Variants in AKAP13 observed in about 807,000 individuals in gnomAD.
AKAP13 encodes A-kinase anchoring protein 13, also known as A-kinase anchor protein 13.
A neutral mutation model predicts 264.5 loss-of-function variants in AKAP13; 80 were observed. That is an observed-to-expected ratio of 0.30 (90% CI 0.25 to 0.36). The LOEUF (loss-of-function observed/expected upper bound fraction) is 0.36, where lower values mean the gene tolerates loss of function less well. AKAP13 is among the 10% of genes least tolerant of loss of function. AKAP13 has a pLI of 1.00. For synonymous variants in AKAP13, 1,380 were observed against 1,250.2 expected (o/e 1.10, Z -2.19); for missense variants, 3,712 against 3,435.2 (o/e 1.08, Z -2.01).
intron 5 of AKAP13, among the ~76,000 whole-genome samples, chr15:85,573,407 G>A (rs1034897815): frequency 1.3e-5 from 2 of 152,108 alleles, no homozygotes; most frequent in Admixed American, 1.3e-4. Context: ...TTAGCTGGGC[G>A]TGGTGGGACG....
At chr15:85,434,123 G>A (rs1271354720) in intron 1 of AKAP13, among the ~76,000 whole-genome samples, 2 of 151,866 alleles carry the variant, frequency 1.3e-5, no homozygotes, top group African/African-American at 2.4e-5. Context: ...CGCACCGTGC[G>A]CGAGCCGAAG....
At chr15:85,387,681 G>A (rs1003097137) in intron 1 of AKAP13, among the ~76,000 whole-genome samples, 1 of 152,094 alleles carries the variant, frequency 6.6e-6, no homozygotes, top group Non-Finnish European at 1.5e-5. Flanking sequence ...GGGGGCAATT[G>A]ACATTTTAAT....
At chr15:85,704,400 TAAA>T (rs946673510) in intron 17 of AKAP13, among the ~76,000 whole-genome samples, 7 of 152,170 alleles carry the variant, frequency 4.6e-5, no homozygotes, top group Non-Finnish European at 1.0e-4. Flanking sequence ...TTCCGAAAGA[TAAA>T]AAACACATAG....
chr15:85,478,162 G>A (rs1353936423), intron 1 of AKAP13, among the ~76,000 whole-genome samples: 1 of 152,128 alleles, frequency 6.6e-6, no homozygotes, highest in African/African-American at 2.4e-5. Flanking sequence ...TACTAAAGTG[G>A]TAGGAACCAC....
At position 85,743,823 on chromosome 15, in the gene AKAP13, G is replaced by T; in HGVS notation, c.8390G>T (p.Gly2797Val). Reference sequence around the variant, plus strand: ...AACAAAACCAGCCGCTCTCAGCCCGGTGGTGAGTCACGCACACCTGCTCTC... The same window carrying T: ...AACAAAACCAGCCGCTCTCAGCCCGTTGGTGAGTCACGCACACCTGCTCTC... ...KKNKTSRSQP[G>V]DGPASEVSAE... is the part of the protein sequence containing the mutation. The change falls in exon 36 of 37, where the codon GGT becomes GTT. Residue 2797 changes from glycine to valine, a missense_variant and splice_region_variant. Gly to Val is a moderately radical substitution (Grantham distance 109, BLOSUM62 -3). Transcript: ENST00000394518. The T allele has an allele frequency of 6.2e-7, 1 of 1,607,752 alleles. No homozygotes were observed. Among genetic ancestry groups the T allele is most frequent in the East Asian group, 2.2e-5 (1 of 44,828 alleles).
chr15:85,454,481 T>G (rs931381215), intron 1 of AKAP13, among the ~76,000 whole-genome samples: 1 of 152,126 alleles, frequency 6.6e-6, no homozygotes, highest in Admixed American at 6.5e-5. Flanking sequence ...TTTTCTCTGT[T>G]CTCTGTGGGT....
intron 17 of AKAP13, chr15:85,702,830 A>T (rs1011187991): frequency 3.3e-5 from 5 of 152,244 alleles, no homozygotes; most frequent in African/African-American, 1.2e-4. Context: ...TCTATTATGT[A>T]AAGCTGTCCT....
In AKAP13 at chr15:85,716,423, G is replaced by A. The variant is rs541962208; in HGVS notation, c.5735+500G>A. On this transcript the variant is annotated intron_variant, in intron 20 of 36. Coordinates refer to ENST00000394518, the MANE Select transcript of AKAP13 (RefSeq NM_007200.5). ...ATTACTATTAGGTTCTCACTCACTC[G>A]TTTGCACTGAGTTTCTTTTCTGGTC... Among the ~76,000 whole-genome samples, 124 of 151,904 alleles carry A rather than the reference G, an allele frequency of 8.2e-4. 1 individual carries two copies. The highest frequency in any genetic ancestry group is 3.4e-3 in the Middle Eastern group (1 of 294).
At chr15:85,555,196 C>G (rs1278446023) in intron 5 of AKAP13, among the ~76,000 whole-genome samples, 1 of 152,148 alleles carries the variant, frequency 6.6e-6, no homozygotes, top group East Asian at 1.9e-4. Context: ...ACCCCCCACC[C>G]CCTACCCCTT....
intron 5 of AKAP13, among the ~76,000 whole-genome samples, chr15:85,567,944 GTGTGTGT>G: frequency 1.2e-5 from 1 of 85,338 alleles, no homozygotes; most frequent in South Asian, 3.1e-4. Flanking sequence ...CCAAAGAGGT[GTGTGTGT>G]GTGTGTGTGT....
At chr15:85,547,033 C>T (rs1434284263) in intron 5 of AKAP13, among the ~76,000 whole-genome samples, 6 of 152,320 alleles carry the variant, frequency 3.9e-5, no homozygotes, top group African/African-American at 1.4e-4. Flanking sequence ...TGAGCCACCG[C>T]GCCCAGCCAT....
Position 85,655,545 on chromosome 15 carries a change from G to T in AKAP13, c.4503G>T (p.Arg1501Ser). The change falls in exon 11 of 37, where the codon AGG (arginine) becomes AGT (serine). Residue 1501 changes from arginine (R) to serine (S), a missense_variant. Arg to Ser is a moderately radical substitution (Grantham distance 110). Coordinates refer to ENST00000394518, the MANE Select transcript of AKAP13 (RefSeq NM_007200.5). ...VSLSQILKPN[R>S]SRDRQSLDGF... is the part of the protein sequence containing the mutation. Reference sequence around the variant, plus strand: ...TCTCCCAGATTTTAAAGCCAAACAGGTCAAGAGATCGGCAAAGCCTTGATG... The same window carrying T: ...TCTCCCAGATTTTAAAGCCAAACAGTTCAAGAGATCGGCAAAGCCTTGATG... 1 of 1,614,230 alleles carries T rather than the reference G, an allele frequency of 6.2e-7. No individual in the cohort carries two copies. The highest frequency in any genetic ancestry group is 8.5e-7 in the Non-Finnish European group (1 of 1,180,038).
chr15:85,618,117 C>A (rs2081022619), intron 8 of AKAP13, among the ~76,000 whole-genome samples: 1 of 152,144 alleles, frequency 6.6e-6, no homozygotes, highest in Non-Finnish European at 1.5e-5. Flanking sequence ...CAGAATAAAG[C>A]CTGTATGTAG....
chr15:85,453,240 C>T (rs1373380117), intron 1 of AKAP13, among the ~76,000 whole-genome samples: 3 of 152,196 alleles, frequency 2.0e-5, no homozygotes, highest in Non-Finnish European at 4.4e-5. Flanking sequence ...ACTAGAGGCT[C>T]TGTCCAGGGA....
intron 18 of AKAP13, 102 bp from the exon 19 acceptor site, chr15:85,710,477 G>A (rs2086578315): frequency 8.7e-7 from 1 of 1,151,742 alleles, no homozygotes; most frequent in East Asian, 2.5e-5. Context: ...AGTGCAAAAA[G>A]CAGAGTGGGA....
intron 1 of AKAP13, among the ~76,000 whole-genome samples, chr15:85,424,167 C>T (rs1206083024): frequency 6.6e-6 from 1 of 152,168 alleles, no homozygotes; most frequent in Non-Finnish European, 1.5e-5. Context: ...TCAGCTTGTC[C>T]TTTGAGGTTT....
chr15:85,684,972 G>A, intron 16 of AKAP13, 99 bp downstream of exon 16: 1 of 1,366,692 alleles, frequency 7.3e-7, no homozygotes. Context: ...GACATAAATG[G>A]AAATAAATTC....
chr15:85,562,992 G>A (rs1281391071), intron 5 of AKAP13, among the ~76,000 whole-genome samples: 3 of 151,502 alleles, frequency 2.0e-5, no homozygotes, highest in African/African-American at 7.3e-5. Context: ...GGGATTACAC[G>A]TGTGAGCCAC....
intron 1 of AKAP13, among the ~76,000 whole-genome samples, chr15:85,414,220 T>C (rs902498995): frequency 3.3e-5 from 5 of 152,248 alleles, no homozygotes; most frequent in Admixed American, 3.3e-4. Flanking sequence ...ATTTGTATTC[T>C]GTAAACAGGC....
Sources: gnomAD v4.1 joint callset for allele counts (sites outside exome capture counted in the v4.1 genomes callset) on GRCh38, gnomAD v4.1.1 for gene constraint, MANE v1.5 for transcripts, NCBI Gene and HGNC (gene_info 2026-07-23, HGNC 2026-07-21) for gene names.